The following ADAMTS12 variants were observed in gnomAD, a reference collection of about 807,000 sequenced individuals.
The protein encoded by ADAMTS12 is ADAM metallopeptidase with thrombospondin type 1 motif 12, also known as A disintegrin and metalloproteinase with thrombospondin motifs 12.
ADAMTS12 carries 118 observed loss-of-function variants against 167.8 expected under a neutral mutation model. The ratio of observed to expected loss-of-function variants is 0.70; its 90% CI spans 0.61 to 0.82. ADAMTS12 has a LOEUF of 0.82. Ranked by LOEUF, ADAMTS12 falls within the 40% of genes least tolerant of loss-of-function variation. The probability of loss-of-function intolerance (pLI) is 0.00; values close to 1 mark genes in which losing one functional copy is unlikely to be tolerated. For missense variants in ADAMTS12, 1,916 were observed against 1,998.8 expected (o/e 0.96, Z 0.79); for synonymous variants, 704 against 716.9 (o/e 0.98, Z 0.29).
At chr5:33,653,695 G>C (rs2112201021) in intron 7 of ADAMTS12, among the ~76,000 whole-genome samples, 1 of 152,192 alleles carries the variant, frequency 6.6e-6, no homozygotes, top group East Asian at 1.9e-4. Context: ...CCCTCCTATA[G>C]ATGGGGTATC....
chr5:33,627,175 G>A (rs887020560), intron 13 of ADAMTS12, among the ~76,000 whole-genome samples: 1 of 148,032 alleles, frequency 6.8e-6, no homozygotes, highest in African/African-American at 2.5e-5. Context: ...GGTAATGGAG[G>A]TAGTGATGAG....
At chr5:33,772,073 T>A (rs1745757990) in intron 2 of ADAMTS12, among the ~76,000 whole-genome samples, 1 of 152,114 alleles carries the variant, frequency 6.6e-6, no homozygotes, top group Non-Finnish European at 1.5e-5. Flanking sequence ...ACCAGGCTGC[T>A]CTTGAACTCT....
intron 2 of ADAMTS12, among the ~76,000 whole-genome samples, chr5:33,772,093 G>A (rs112049287): frequency 0.012 from 1,880 of 152,126 alleles, 40 homozygotes; most frequent in African/African-American, 0.044. Flanking sequence ...TTGGCCTCAG[G>A]TGATATCCTC....
chr5:33,571,963 C>A (rs1746375329), intron 19 of ADAMTS12, among the ~76,000 whole-genome samples: 1 of 152,140 alleles, frequency 6.6e-6, no homozygotes, highest in South Asian at 2.1e-4. Flanking sequence ...GAGAATACTA[C>A]AAACACCTCT....
At chr5:33,821,958 T>C (rs1747885907) in intron 2 of ADAMTS12, among the ~76,000 whole-genome samples, 2 of 152,200 alleles carry the variant, frequency 1.3e-5, no homozygotes, top group Admixed American at 6.5e-5. Context: ...TAGACTAAAA[T>C]AGTAAAACTT....
chr5:33,807,023 T>C (rs560013446), intron 2 of ADAMTS12, among the ~76,000 whole-genome samples: 1 of 152,330 alleles, frequency 6.6e-6, no homozygotes, highest in East Asian at 1.9e-4. Flanking sequence ...TGGTTTTCCA[T>C]GCTCTCAGAA....
At chr5:33,766,104 G>A (rs1579917684) in intron 2 of ADAMTS12, among the ~76,000 whole-genome samples, 1 of 152,288 alleles carries the variant, frequency 6.6e-6, no homozygotes, top group Non-Finnish European at 1.5e-5. Flanking sequence ...TCTCCAGGAG[G>A]TGGAACTTAA....
chr5:33,889,286 T>TA (rs35090552), intron 1 of ADAMTS12, among the ~76,000 whole-genome samples: 51,321 of 150,538 alleles, frequency 0.34, 8,923 homozygotes, highest in East Asian at 0.47. Flanking sequence ...TCATCTCTAT[T>TA]AAAAAAAAAA....
intron 20 of ADAMTS12, among the ~76,000 whole-genome samples, chr5:33,556,767 C>A (rs1172875794): frequency 6.6e-6 from 1 of 152,128 alleles, no homozygotes; most frequent in Non-Finnish European, 1.5e-5. Context: ...CTCACTCATG[C>A]CCAGAGAGAA....
At chr5:33,575,129 T>G (rs1197942725) in intron 19 of ADAMTS12, among the ~76,000 whole-genome samples, 1 of 152,200 alleles carries the variant, frequency 6.6e-6, no homozygotes, top group Non-Finnish European at 1.5e-5. Context: ...CTTCTTCCTC[T>G]ATATTCTAAT....
intron 5 of ADAMTS12, among the ~76,000 whole-genome samples, chr5:33,678,538 A>C (rs550730343): frequency 4.6e-5 from 7 of 152,334 alleles, no homozygotes; most frequent in African/African-American, 1.7e-4. Context: ...CAAGGAAGTG[A>C]CACTGGAGCT....
At chr5:33,542,947 A>G (rs768854174) in intron 22 of ADAMTS12, among the ~76,000 whole-genome samples, 4 of 152,210 alleles carry the variant, frequency 2.6e-5, no homozygotes, top group Non-Finnish European at 2.9e-5. Context: ...CATCACAATT[A>G]AAAGAACTAG....
chr5:33,749,937 T>C (rs1744918966), intron 3 of ADAMTS12, among the ~76,000 whole-genome samples: 1 of 152,194 alleles, frequency 6.6e-6, no homozygotes, highest in Non-Finnish European at 1.5e-5. Context: ...CAAGGATGCC[T>C]ACAGGAGTAA....
At chr5:33,860,247 A>C (rs1034883806) in intron 2 of ADAMTS12, among the ~76,000 whole-genome samples, 1 of 152,204 alleles carries the variant, frequency 6.6e-6, no homozygotes, top group Admixed American at 6.5e-5. Context: ...ACCCAATGCA[A>C]GGAAGCTAAG....
chr5:33,810,983 G>A (rs531872450), intron 2 of ADAMTS12, among the ~76,000 whole-genome samples: 2 of 152,188 alleles, frequency 1.3e-5, no homozygotes, highest in Admixed American at 6.5e-5. Context: ...AGTTACAGCT[G>A]TTTGATGTGG....
intron 2 of ADAMTS12, among the ~76,000 whole-genome samples, chr5:33,807,029 C>T (rs1465353939): frequency 6.6e-6 from 1 of 152,180 alleles, no homozygotes; most frequent in Non-Finnish European, 1.5e-5. Flanking sequence ...TCCATGCTCT[C>T]AGAATAAATT....
rs1554040722 is a variant in ADAMTS12 at position 33,760,920 on chromosome 5, T to TGC, written c.490-9374_490-9373dup. On this transcript the variant is annotated intron_variant, in intron 2 of 23. Coordinates refer to ENST00000504830, the MANE Select transcript of ADAMTS12 (RefSeq NM_030955.4). ...GTGTGTGTGTGTGTGTGTGTGTGTG[T>TGC]GCGTATGCGCTTCTAAGCAGCAATC... Among the ~76,000 whole-genome samples, 909 of 146,264 alleles carry TGC rather than the reference T, an allele frequency of 6.2e-3. 11 individuals carry two copies. The highest frequency in any genetic ancestry group is 0.021 in the African/African-American group (837 of 39,644).
chr5:33,700,824 G>A (rs1742974925), intron 3 of ADAMTS12, among the ~76,000 whole-genome samples: 1 of 152,036 alleles, frequency 6.6e-6, no homozygotes, highest in Admixed American at 6.6e-5. Context: ...TCTTTGTATT[G>A]TATCTTATGA....
chr5:33,660,513 T>C (rs1741220613), intron 6 of ADAMTS12, among the ~76,000 whole-genome samples: 1 of 152,202 alleles, frequency 6.6e-6, no homozygotes, highest in African/African-American at 2.4e-5. Flanking sequence ...AACTCACTCA[T>C]TTCTTCAGGT....
Sources: gnomAD v4.1 joint callset for allele counts (sites outside exome capture counted in the v4.1 genomes callset) on GRCh38, gnomAD v4.1.1 for gene constraint, MANE v1.5 for transcripts, NCBI Gene and HGNC (gene_info 2026-07-23, HGNC 2026-07-21) for gene names.